SLC39A8: variants seen among roughly 807,000 people sequenced by gnomAD.
SLC39A8 encodes solute carrier family 39 member 8.
Under a neutral mutation model 40.4 loss-of-function variants are expected in SLC39A8, and 15 were observed. The observed-to-expected ratio is 0.37, with a 90% CI of 0.25 to 0.57. The LOEUF (loss-of-function observed/expected upper bound fraction) is 0.57, where lower values mean the gene tolerates loss of function less well. SLC39A8 is among the 20% of genes least tolerant of loss of function. The pLI, the probability that SLC39A8 is intolerant of heterozygous loss-of-function variation, is 0.75. For missense variants in SLC39A8, 472 were observed against 558.8 expected, an observed-to-expected ratio of 0.84 and a Z score of 1.57; for synonymous variants, 223 against 221.6, an observed-to-expected ratio of 1.01 and a Z score of -0.06.
intron 2 of SLC39A8, among the ~76,000 whole-genome samples, chr4:102,331,986 C>T (rs1267490570): frequency 6.6e-6 from 1 of 152,122 alleles, no homozygotes; most frequent in African/African-American, 2.4e-5. Context: ...AAACTGGATC[C>T]CTTCCTTACA....
In SLC39A8 at chr4:102,263,055, C is replaced by T; in HGVS notation, c.1372G>A (p.Glu458Lys). Residue 458 changes from glutamate to lysine, a missense_variant, in exon 9 of 9, where the codon GAA (glutamate) becomes AAA (lysine). Transcript: ENST00000356736. ...LLITLYAGEIELE is the reference protein window; with the variant it reads ...LLITLYAGEIKLE ...TCTTCCATTTTCTATTACTCCAATT[C>T]GATTTCTCCTGCATACAAGGTAATG... The T allele has an allele frequency of 3.7e-6, 6 of 1,606,458 alleles. No individual in the cohort carries two copies. The highest frequency in any genetic ancestry group is 1.3e-5 in the African/African-American group (1 of 74,816).
intron 6 of SLC39A8, 36 bp downstream of exon 6, chr4:102,304,281 G>A (rs750287507): frequency 1.3e-6 from 2 of 1,527,880 alleles, no homozygotes; most frequent in South Asian, 1.1e-5. Context: ...TATAAAGAAT[G>A]CAGTATAATG....
At chr4:102,336,172 C>G (rs779550043) in intron 2 of SLC39A8, among the ~76,000 whole-genome samples, 1 of 152,100 alleles carries the variant, frequency 6.6e-6, no homozygotes, top group Non-Finnish European at 1.5e-5. Context: ...TATATAAGTG[C>G]CCGAAATATG....
Position 102,344,670 on chromosome 4 carries a change from T to C in SLC39A8, c.-8A>G. ...CGCGCGACCCGGGGCCATCCTGGCC[T>C]GGGCTTCCCCTTGAGGGCCCGCGAC... On this transcript the variant is annotated 5_prime_UTR_variant, in exon 2 of 9. Transcript: ENST00000356736. 1 of 1,490,958 alleles carries C rather than the reference T, an allele frequency of 6.7e-7. No homozygotes were observed. Among genetic ancestry groups the C allele is most frequent in the African/African-American group, 1.5e-5 (1 of 68,276 alleles). 92.4% of individuals were successfully genotyped at this position (1,490,958 alleles called of 1,614,324 possible). A position where few individuals can be genotyped will look rare whatever the true frequency, so the allele number is the denominator to read the frequency against.
intron 6 of SLC39A8, among the ~76,000 whole-genome samples, chr4:102,297,432 A>T (rs1263890105): frequency 6.6e-6 from 1 of 152,144 alleles, no homozygotes; most frequent in Admixed American, 6.5e-5. Context: ...ATATATGTAA[A>T]GCATTTAAGA....
chr4:102,254,534 C>T (rs1731667459), intron 11 of SLC39A8, among the ~76,000 whole-genome samples: 1 of 152,190 alleles, frequency 6.6e-6, no homozygotes, highest in African/African-American at 2.4e-5. Flanking sequence ...TCAACACTAA[C>T]CTAGATATTA....
At chr4:102,269,533 C>A (rs1327202489) in intron 6 of SLC39A8, among the ~76,000 whole-genome samples, 1 of 152,194 alleles carries the variant, frequency 6.6e-6, no homozygotes, top group East Asian at 1.9e-4. Context: ...AGGCACTGTT[C>A]TAAGCACTTC....
At chr4:102,306,809 C>A (rs1397674403) in intron 4 of SLC39A8, among the ~76,000 whole-genome samples, 1 of 151,858 alleles carries the variant, frequency 6.6e-6, no homozygotes, top group Non-Finnish European at 1.5e-5. Flanking sequence ...CTTATATGGG[C>A]ACAACACAGA....
At chr4:102,342,468 A>G (rs1032055900) in intron 2 of SLC39A8, among the ~76,000 whole-genome samples, 1 of 152,198 alleles carries the variant, frequency 6.6e-6, no homozygotes, top group African/African-American at 2.4e-5. Flanking sequence ...ATTGCACTCC[A>G]GCCTGAGCAA....
chr4:102,261,320 T>C (rs766543940), downstream of SLC39A8, among the ~76,000 whole-genome samples: 2 of 152,174 alleles, frequency 1.3e-5, no homozygotes, highest in African/African-American at 2.4e-5. Flanking sequence ...ATGTTAATTG[T>C]CTGGTAAACT....
chr4:102,288,478 TA>T (rs1028856387), intron 6 of SLC39A8, among the ~76,000 whole-genome samples: 14 of 151,928 alleles, frequency 9.2e-5, no homozygotes, highest in African/African-American at 2.7e-4. Context: ...TGTGATCAGG[TA>T]AAAGGAGAAT....
chr4:102,323,371 T>G (rs1735043582), intron 2 of SLC39A8, among the ~76,000 whole-genome samples: 1 of 152,320 alleles, frequency 6.6e-6, no homozygotes, highest in African/African-American at 2.4e-5. Context: ...AATAAAAATA[T>G]GCACAACATA....
chr4:102,339,088 T>C (rs1391045804), intron 2 of SLC39A8, among the ~76,000 whole-genome samples: 1 of 152,118 alleles, frequency 6.6e-6, no homozygotes, highest in Non-Finnish European at 1.5e-5. Flanking sequence ...GTCAAATGAA[T>C]TACGAATGTC....
chr4:102,336,127 T>C (rs1357762209), intron 2 of SLC39A8, among the ~76,000 whole-genome samples: 2 of 152,226 alleles, frequency 1.3e-5, no homozygotes, highest in South Asian at 2.1e-4. Context: ...AAAAGTCTTA[T>C]ATCTTTATTG....
intron 6 of SLC39A8, among the ~76,000 whole-genome samples, chr4:102,280,183 A>G (rs183175817): frequency 6.6e-6 from 1 of 152,326 alleles, no homozygotes; most frequent in African/African-American, 2.4e-5. Flanking sequence ...GCTCCTTTCA[A>G]GTTCTAGAGA....
At chr4:102,282,566 G>A (rs1008972983) in intron 6 of SLC39A8, among the ~76,000 whole-genome samples, 2 of 151,904 alleles carry the variant, frequency 1.3e-5, no homozygotes, top group Admixed American at 6.6e-5. Flanking sequence ...CTTTTTGGCC[G>A]AGAATTTAGC....
At position 102,304,273 on chromosome 4, in the gene SLC39A8, T is replaced by C. The variant is rs201954858; in HGVS notation, c.840+44A>G. 41 of 1,497,736 alleles carry C rather than the reference T, an allele frequency of 2.7e-5. No individual in the cohort carries two copies. The East Asian group carries it at 8.4e-4, about 31-fold the overall frequency. The allele number at this position is 1,497,736 out of a possible 1,614,324, so 92.8% of individuals were successfully genotyped here. A position where few individuals can be genotyped will look rare whatever the true frequency, so the allele number is the denominator to read the frequency against. Reference sequence around the variant, plus strand: ...CATAAACAGTCATGTTTACACAGTATAAAGAATGCAGTATAATGAAGGAAA... The same window carrying C: ...CATAAACAGTCATGTTTACACAGTACAAAGAATGCAGTATAATGAAGGAAA... On this transcript the variant is annotated intron_variant, in intron 6 of 8. Transcript: ENST00000356736.
intron 3 of SLC39A8, among the ~76,000 whole-genome samples, chr4:102,312,576 T>C (rs1272563351): frequency 6.6e-6 from 1 of 152,070 alleles, no homozygotes; most frequent in Non-Finnish European, 1.5e-5. Flanking sequence ...GGTTAAAAAA[T>C]TACTTTTGAA....
intron 6 of SLC39A8, among the ~76,000 whole-genome samples, chr4:102,275,967 C>G (rs1424557370): frequency 6.6e-6 from 1 of 152,178 alleles, no homozygotes; most frequent in African/African-American, 2.4e-5. Context: ...ACCAGAATCT[C>G]CAGGACACAG....
Sources: allele counts gnomAD v4.1 joint callset (sites outside exome capture counted in the v4.1 genomes callset), GRCh38; gene constraint gnomAD v4.1.1; transcripts MANE v1.5; gene names NCBI Gene and HGNC (gene_info 2026-07-23, HGNC 2026-07-21).